Variants in ZFYVE28 observed in about 807,000 individuals in gnomAD.
The protein encoded by ZFYVE28 is zinc finger FYVE-type containing 28, also known as lateral signaling target protein 2 homolog.
A neutral mutation model predicts 82.1 loss-of-function variants in ZFYVE28; 40 were observed. That is an observed-to-expected ratio of 0.49 (90% CI 0.38 to 0.63). The LOEUF (loss-of-function observed/expected upper bound fraction) is 0.63, where lower values mean the gene tolerates loss of function less well. Ranked by LOEUF, ZFYVE28 falls within the 30% of genes least tolerant of loss-of-function variation. The pLI is 0.00. For missense variants in ZFYVE28, 1,321 were observed against 1,242.1 expected (o/e 1.06, Z -0.96); for synonymous variants, 612 against 546.1 (o/e 1.12, Z -1.68).
intron 1 of ZFYVE28, among the ~76,000 whole-genome samples, chr4:2,398,949 A>C (rs1458919260): frequency 1.6e-5 from 2 of 126,634 alleles, no homozygotes; most frequent in East Asian, 5.7e-4. Context: ...GATCGAGGGC[A>C]CAAGGGGGGT....
chr4:2,306,163 T>C (rs1413719971), intron 7 of ZFYVE28, among the ~76,000 whole-genome samples: 1 of 152,230 alleles, frequency 6.6e-6, no homozygotes, highest in African/African-American at 2.4e-5. Context: ...GGAAGAAGCA[T>C]TGAGGCCGAG....
At chr4:2,393,681 C>G (rs1398434448) in intron 1 of ZFYVE28, among the ~76,000 whole-genome samples, 1 of 152,190 alleles carries the variant, frequency 6.6e-6, no homozygotes, top group Admixed American at 6.5e-5. Flanking sequence ...TTTTTCACTC[C>G]ACATTAAGCT....
At chr4:2,361,232 C>T (rs900301219) in intron 1 of ZFYVE28, among the ~76,000 whole-genome samples, 2 of 151,662 alleles carry the variant, frequency 1.3e-5, no homozygotes, top group African/African-American at 4.8e-5. Context: ...CGGACATCCT[C>T]AAAAAAAGCA....
rs111606590 is a variant in ZFYVE28 at position 2,394,666 on chromosome 4, C to T, written c.39+23619G>A. 8.3e-4 allele frequency among the ~76,000 whole-genome samples: 126 copies of T among 152,372 alleles called. No homozygotes were observed. Among genetic ancestry groups the T allele is most frequent in the Non-Finnish European group, 1.3e-3 (90 of 68,036 alleles). ...CGGGCTGCTCGGTCACAGGCAGGGGCCTGGGTGTCGTGTCACACAGGTCTG... is the reference window on the plus strand; with the variant it reads ...CGGGCTGCTCGGTCACAGGCAGGGGTCTGGGTGTCGTGTCACACAGGTCTG... On this transcript the variant is annotated intron_variant, in intron 1 of 12. Coordinates refer to ENST00000290974, the MANE Select transcript of ZFYVE28 (RefSeq NM_020972.3). This position sits in a 1 kb window ranked among gnomAD's most constrained non-coding sequence, Gnocchi z 4.0.
intron 6 of ZFYVE28, among the ~76,000 whole-genome samples, chr4:2,333,457 G>A (rs1721052069): frequency 6.6e-6 from 1 of 151,906 alleles, no homozygotes; most frequent in African/African-American, 2.4e-5. Context: ...CTGCTGTTCT[G>A]CGGTCGCCTG....
chr4:2,412,338 C>T (rs1402454271), intron 1 of ZFYVE28, among the ~76,000 whole-genome samples: 2 of 152,192 alleles, frequency 1.3e-5, no homozygotes, highest in African/African-American at 4.8e-5. Context: ...CGCCTGCTTA[C>T]ACCACCCACT....
chr4:2,343,482 T>C (rs956621753), intron 2 of ZFYVE28: 1 of 152,166 alleles, frequency 6.6e-6, no homozygotes, highest in African/African-American at 2.4e-5. Context: ...GCCTTTATAA[T>C]ACAAAAAATA....
chr4:2,304,204 C>T (rs1716111449), intron 8 of ZFYVE28, 85 bp downstream of exon 8: 2 of 1,478,408 alleles, frequency 1.4e-6, no homozygotes, highest in South Asian at 1.4e-5. Flanking sequence ...CAGGTAGAAA[C>T]ACTGCAATGC....
chr4:2,290,091 G>T (rs1015072258), intron 8 of ZFYVE28, among the ~76,000 whole-genome samples: 15 of 152,162 alleles, frequency 9.9e-5, no homozygotes, highest in Non-Finnish European at 2.1e-4. Context: ...GTGATGGCAG[G>T]CCCCGTCAGA....
chr4:2,344,839 T>C (rs1273624511), intron 2 of ZFYVE28, among the ~76,000 whole-genome samples: 1 of 151,874 alleles, frequency 6.6e-6, no homozygotes, highest in Non-Finnish European at 1.5e-5. Context: ...GAGATTGCGG[T>C]GAGCTGAGAT....
chr4:2,351,174 A>G (rs1724374518), intron 2 of ZFYVE28, among the ~76,000 whole-genome samples: 1 of 151,994 alleles, frequency 6.6e-6, no homozygotes. Context: ...CTCCGGGTGG[A>G]CAGTGTCAAG....
chr4:2,375,494 C>T (rs1452336522), intron 1 of ZFYVE28, among the ~76,000 whole-genome samples: 1 of 152,232 alleles, frequency 6.6e-6, no homozygotes, highest in Non-Finnish European at 1.5e-5. Flanking sequence ...GAATCCACAC[C>T]CAGCCAGGTG....
At chr4:2,316,004 G>A (rs1011202725) in intron 7 of ZFYVE28, among the ~76,000 whole-genome samples, 3 of 151,474 alleles carry the variant, frequency 2.0e-5, no homozygotes, top group Non-Finnish European at 2.9e-5. Flanking sequence ...TTTCCTGCCC[G>A]AGCTTCAGTT....
intron 1 of ZFYVE28, among the ~76,000 whole-genome samples, chr4:2,366,416 G>A (rs149974702): frequency 0.015 from 2,230 of 152,256 alleles, 59 homozygotes; most frequent in African/African-American, 0.05. Flanking sequence ...TAGATTGGGG[G>A]ACTGGTTTAG....
At chr4:2,364,255 G>A (rs1003482357) in intron 1 of ZFYVE28, among the ~76,000 whole-genome samples, 1 of 152,254 alleles carries the variant, frequency 6.6e-6, no homozygotes, top group Admixed American at 6.5e-5. Context: ...ACCAGGGCTC[G>A]GTGCTGAGCC....
intron 7 of ZFYVE28, among the ~76,000 whole-genome samples, chr4:2,311,711 G>A (rs1015189060): frequency 6.6e-6 from 1 of 151,842 alleles, no homozygotes; most frequent in Non-Finnish European, 1.5e-5. Flanking sequence ...CCTTTATTCT[G>A]TTCTAATTTA....
intron 8 of ZFYVE28, among the ~76,000 whole-genome samples, chr4:2,297,516 A>G (rs1038693163): frequency 1.3e-5 from 2 of 152,204 alleles, no homozygotes; most frequent in Admixed American, 6.5e-5. Flanking sequence ...GCGCCACTGC[A>G]ATGCCTGATG....
rs567471342 is a variant in ZFYVE28, at chr4:2,305,413, G to A, written c.927C>T (p.Ala309=). ...CCTCAGGGGGGAGAGGGGCAGAGAG[G>A]GCAGGCGCCAGGGCAGCGGGTCCCT... ...DVQGPAALAP[A]LSAPLPPEGP... is the part of the protein sequence containing the mutation. Residue 309 remains alanine, a synonymous_variant, in exon 8 of 13, where the codon GCC becomes GCT. Transcript: ENST00000290974. 1.9e-6 allele frequency: 3 copies of A among 1,612,834 alleles called. No individual in the cohort carries two copies. In the South Asian group the frequency reaches 3.3e-5, roughly 18 times the overall value.
rs1812008 is a variant in ZFYVE28 at position 2,359,005 on chromosome 4, C to T, written c.40-4932G>A. 8.0e-3 allele frequency among the ~76,000 whole-genome samples: 1,128 copies of T among 141,562 alleles called. 26 individuals carry two copies. The highest frequency in any genetic ancestry group is 0.029 in the African/African-American group (1,056 of 36,992). 92.9% of individuals were successfully genotyped at this position (141,562 alleles called of 152,430 possible). A position where few individuals can be genotyped will look rare whatever the true frequency, so the allele number is the denominator to read the frequency against. On this transcript the variant is annotated intron_variant, in intron 1 of 12. Transcript: ENST00000290974. Reference sequence around the variant, plus strand: ...TTTTTTTTTTTTTGAGACAGAGTCTCGCTCTGTCGCCCAGGCTGGAGTGCA... The same window carrying T: ...TTTTTTTTTTTTTGAGACAGAGTCTTGCTCTGTCGCCCAGGCTGGAGTGCA...
Sources: gnomAD v4.1 joint callset for allele counts (sites outside exome capture counted in the v4.1 genomes callset) on GRCh38, gnomAD v4.1.1 for gene constraint, Gnocchi (gnomAD v3.1) non-coding constraint, MANE v1.5 for transcripts, NCBI Gene and HGNC (gene_info 2026-07-23, HGNC 2026-07-21) for gene names.